ESCO1: variants seen among roughly 807,000 people sequenced by gnomAD.
The protein encoded by ESCO1 is N-acetyltransferase ESCO1.
Under a neutral mutation model 83.5 loss-of-function variants are expected in ESCO1, and 33 were observed. The observed-to-expected ratio is 0.40, with a 90% confidence interval of 0.30 to 0.53. ESCO1 has a LOEUF of 0.53. ESCO1 is among the 20% of genes least tolerant of loss of function. The pLI is 0.63. For synonymous variants in ESCO1, 332 were observed against 324.3 expected (o/e 1.02, Z -0.25); for missense variants, 855 against 968.0 (o/e 0.88, Z 1.55).
intron 8 of ESCO1, among the ~76,000 whole-genome samples, chr18:21,554,278 A>G (rs896251099): frequency 6.6e-6 from 1 of 152,240 alleles, no homozygotes; most frequent in Non-Finnish European, 1.5e-5. Flanking sequence ...CGATCCAGCA[A>G]TCAAGCGTCT....
chr18:21,574,711 T>A lies in ESCO1; in HGVS notation c.133A>T (p.Ile45Leu). 4 of 1,613,036 alleles carry A rather than the reference T, an allele frequency of 2.5e-6. No homozygotes were observed. The highest frequency in any genetic ancestry group is 3.4e-6 in the Non-Finnish European group (4 of 1,180,000). Residue 45 changes from isoleucine to leucine, a missense_variant, in exon 4 of 12, where the codon ATA (isoleucine) becomes TTA (leucine). Around this residue, in one of 2 missense-constraint regions of ESCO1, gnomAD observed 726 missense variants for 699.5 expected, o/e 1.04. Transcript: ENST00000269214. ...LAKKSGPKET[I>L]KSQAKSSSES... ...CTGGAAGATTTAGCCTGTGATTTTATAGTCTCCTTTGGACCTGATTTTTTT... is the reference window on the plus strand; with the variant it reads ...CTGGAAGATTTAGCCTGTGATTTTAAAGTCTCCTTTGGACCTGATTTTTTT...
chr18:21,574,738 CTAGATTCTTTTGA>C lies in ESCO1; in HGVS notation c.93_105del (p.Leu35GlnfsTer7). Reference sequence around the variant, plus strand: ...GTCTCCTTTGGACCTGATTTTTTTGCTAGATTCTTTTGAGAATCCTGAATTTCTGTTTCTGAAT... The same window carrying C: ...GTCTCCTTTGGACCTGATTTTTTTGCGAATCCTGAATTTCTGTTTCTGAAT... On this transcript the variant is annotated frameshift_variant, in exon 4 of 12. Coordinates refer to ENST00000269214, the MANE Select transcript of ESCO1 (RefSeq NM_052911.3). LOFTEE classifies it high-confidence loss of function. 1 of 1,610,434 alleles carries C rather than the reference CTAGATTCTTTTGA, an allele frequency of 6.2e-7. No individual in the cohort carries two copies. The highest frequency in any genetic ancestry group is 8.5e-7 in the Non-Finnish European group (1 of 1,179,802).
chr18:21,573,255 A>C, intron 4 of ESCO1, 59 bp downstream of exon 4: 2 of 1,423,826 alleles, frequency 1.4e-6, no homozygotes, highest in Non-Finnish European at 1.9e-6. Flanking sequence ...AATGTTATAA[A>C]GACATTTCTT....
At chr18:21,549,347 G>A (rs1206638784) in intron 8 of ESCO1, among the ~76,000 whole-genome samples, 2 of 152,102 alleles carry the variant, frequency 1.3e-5, no homozygotes, top group African/African-American at 2.4e-5. Flanking sequence ...AATGAGAAAT[G>A]GCCAGCATTC....
chr18:21,557,925 C>A (rs1411385816), intron 8 of ESCO1, among the ~76,000 whole-genome samples: 1 of 151,920 alleles, frequency 6.6e-6, no homozygotes, highest in African/African-American at 2.4e-5. Context: ...CCAGGCTCCA[C>A]CTGAAAGCAT....
chr18:21,554,133 T>C (rs1281467080), intron 8 of ESCO1, among the ~76,000 whole-genome samples: 1 of 152,120 alleles, frequency 6.6e-6, no homozygotes, highest in African/African-American at 2.4e-5. Context: ...TCCAGAACAC[T>C]GATAACACCA....
intron 8 of ESCO1, among the ~76,000 whole-genome samples, chr18:21,559,518 GAAATA>G (rs2038156081): frequency 6.6e-6 from 1 of 152,132 alleles, no homozygotes; most frequent in Non-Finnish European, 1.5e-5. Flanking sequence ...TTAAGACTTT[GAAATA>G]AAATGTTTTT....
chr18:21,541,083 T>G (rs972973541), intron 8 of ESCO1, among the ~76,000 whole-genome samples: 1 of 152,146 alleles, frequency 6.6e-6, no homozygotes, highest in African/African-American at 2.4e-5. Flanking sequence ...ACAAAAATTC[T>G]AGGTAATAAG....
intron 4 of ESCO1, among the ~76,000 whole-genome samples, chr18:21,570,915 T>C (rs2146207907): frequency 6.7e-6 from 1 of 149,928 alleles, no homozygotes; most frequent in African/African-American, 2.5e-5. Flanking sequence ...AGGCGGAGCC[T>C]GCAGTGAGCC....
chr18:21,592,608 C>A (rs2038693394), intron 1 of ESCO1, among the ~76,000 whole-genome samples: 1 of 148,504 alleles, frequency 6.7e-6, no homozygotes, highest in Non-Finnish European at 1.5e-5. Flanking sequence ...GGAGGCTGAC[C>A]CCCCCACCTC....
chr18:21,532,637 T>G lies in ESCO1; in HGVS notation c.2211A>C (p.Lys737Asn). Reference protein sequence around the residue: ...IQWGYRVIEEKLPVIRSEEEK... With the variant: ...IQWGYRVIEENLPVIRSEEEK... ...CTTCTTCTGACCTGATAACTGGAAG[T>G]TTCTCTTCTATAACTCTGTAGCCCT... The change falls in exon 11 of 12, where the codon AAA (lysine) becomes AAC (asparagine). Residue 737 changes from lysine (K) to asparagine (N), a missense_variant. Around this residue, in one of 2 missense-constraint regions of ESCO1, gnomAD observed 129 missense variants for 268.5 expected, o/e 0.48. Coordinates refer to ENST00000269214, the MANE Select transcript of ESCO1 (RefSeq NM_052911.3). The G allele has an allele frequency of 6.2e-7, 1 of 1,614,088 alleles. No homozygotes were observed.
Position 21,553,846 on chromosome 18 carries a change from A to G in ESCO1, c.1953+7013T>C, listed in dbSNP as rs566691472. On this transcript the variant is annotated intron_variant, in intron 8 of 11. Transcript: ENST00000269214. ...CTCACTGCACTCCAGCCTGGGCAACAAGAAGGAAACTCTGTCAAAAAAAAA... is the reference window on the plus strand; with the variant it reads ...CTCACTGCACTCCAGCCTGGGCAACGAGAAGGAAACTCTGTCAAAAAAAAA... Among the ~76,000 whole-genome samples the G allele has an allele frequency of 4.0e-5, 6 of 151,374 alleles. No individual in the cohort carries two copies. In the South Asian group the frequency reaches 1.2e-3, roughly 32 times the overall value.
intron 5 of ESCO1, among the ~76,000 whole-genome samples, chr18:21,566,972 C>T (rs956655772): frequency 6.6e-6 from 1 of 152,086 alleles, no homozygotes; most frequent in Non-Finnish European, 1.5e-5. Context: ...ATTACATTCT[C>T]TCTTCCCCAA....
intron 8 of ESCO1, among the ~76,000 whole-genome samples, chr18:21,542,844 G>A (rs1161808276): frequency 2.0e-5 from 3 of 152,162 alleles, no homozygotes; most frequent in Non-Finnish European, 4.4e-5. Context: ...ACTTAGAGGC[G>A]ATAAAGTCCA....
chr18:21,573,346 T>C lies in ESCO1; in HGVS notation c.1498A>G (p.Met500Val), dbSNP rs773529569. Residue 500 changes from methionine (M) to valine (V), a missense_variant, in exon 4 of 12, where the codon ATG becomes GTG. Physicochemically the swap from Met to Val is conservative, Grantham distance 21 (BLOSUM62 1). Transcript: ENST00000269214. ...GATGCTGAATCAAAAGAATGTTTCA[T>C]CTGATTATCCAATGGTGGGTCAGAA... ...KPSDPPLDNQ[M>V]KHSFDSASNK... The C allele has an allele frequency of 6.3e-7, 1 of 1,582,680 alleles. No homozygotes were observed. The highest frequency in any genetic ancestry group is 8.5e-7 in the Non-Finnish European group (1 of 1,172,100).
Position 21,574,090 on chromosome 18 carries a change from C to T in ESCO1, c.754G>A (p.Ala252Thr). 1 of 1,612,898 alleles carries T rather than the reference C, an allele frequency of 6.2e-7. No homozygotes were observed. Among genetic ancestry groups the T allele is most frequent in the South Asian group, 1.1e-5 (1 of 91,074 alleles). The stretch of plus-strand genomic sequence containing the variant: ...TTCTTTTTCGGGACCACTGAAGTAG[C>T]CATTTTTGATCTTTTCACCTCAGAA... ...VTSEVKRSKM[A>T]TSVVPKKNEM... Residue 252 changes from alanine (A) to threonine (T), a missense_variant, in exon 4 of 12, where the codon GCT (alanine) becomes ACT (threonine). By Grantham distance (58) the Ala-to-Thr change is moderately conservative. This residue lies in a region of ESCO1 where 726 missense variants were observed against 699.5 expected (regional missense o/e 1.04). Transcript: ENST00000269214.
intron 2 of ESCO1, among the ~76,000 whole-genome samples, chr18:21,582,168 T>C (rs1260318657): frequency 6.6e-6 from 1 of 151,904 alleles, no homozygotes; most frequent in Non-Finnish European, 1.5e-5. Flanking sequence ...AGTAAGAAAA[T>C]GTTCAAGAAA....
chr18:21,540,154 A>T, intron 8 of ESCO1, 145 bp from the exon 9 acceptor site: 1 of 733,454 alleles, frequency 1.4e-6, no homozygotes, highest in Non-Finnish European at 2.2e-6. Context: ...ATTAATGCTT[A>T]ATAAAGCATG....
intron 4 of ESCO1, among the ~76,000 whole-genome samples, chr18:21,570,476 A>G (rs747004946): frequency 8.5e-5 from 13 of 152,376 alleles, no homozygotes; most frequent in African/African-American, 3.1e-4. Flanking sequence ...TCAGGTATCA[A>G]TAAGTATCAA....
Sources: gnomAD v4.1 joint callset for allele counts (sites outside exome capture counted in the v4.1 genomes callset) on GRCh38, gnomAD v4.1.1 for gene constraint, gnomAD v4.1.1 regional missense constraint, MANE v1.5 for transcripts, NCBI Gene and HGNC (gene_info 2026-07-23, HGNC 2026-07-21) for gene names.